PPP1R12B: variants seen among roughly 807,000 people sequenced by gnomAD.
PPP1R12B encodes myosin phosphatase target subunit 2.
PPP1R12B carries 76 observed loss-of-function variants against 126.1 expected under a neutral mutation model. The observed-to-expected ratio is 0.60, with a 90% CI of 0.50 to 0.73. PPP1R12B has a LOEUF of 0.73. Ranked by LOEUF, PPP1R12B falls within the 30% of genes least tolerant of loss-of-function variation. The pLI, the probability that PPP1R12B is intolerant of heterozygous loss-of-function variation, is 0.00. For missense variants in PPP1R12B, 1,052 were observed against 1,205.1 expected, an observed-to-expected ratio of 0.87 and a Z score of 1.88; for synonymous variants, 356 against 434.7, an observed-to-expected ratio of 0.82 and a Z score of 2.25.
chr1:202,511,993 CT>C, intron 18 of PPP1R12B, among the ~76,000 whole-genome samples: 1 of 152,112 alleles, frequency 6.6e-6, no homozygotes, highest in African/African-American at 2.4e-5. Context: ...GGAATTTGGA[CT>C]TTATGGGAGA....
Position 202,564,491 on chromosome 1 carries a change from C to A in PPP1R12B, c.2701C>A (p.Gln901Lys). 1 of 1,612,846 alleles carries A rather than the reference C, an allele frequency of 6.2e-7. No homozygotes were observed. Residue 901 changes from glutamine to lysine, a missense_variant, in exon 21 of 24, where the codon CAG becomes AAG. Coordinates refer to ENST00000608999, the MANE Select transcript of PPP1R12B (RefSeq NM_002481.4). ...TENQKLKTKL[Q>K]EAQLELADIK... Reference sequence around the variant, plus strand: ...AAACCAAAAACTGAAAACAAAACTTCAGGAAGCCCAGCTAGAGCTAGCAGA... The same window carrying A: ...AAACCAAAAACTGAAAACAAAACTTAAGGAAGCCCAGCTAGAGCTAGCAGA...
intron 13 of PPP1R12B, among the ~76,000 whole-genome samples, chr1:202,453,153 CT>C (rs1209335987): frequency 1.3e-5 from 2 of 152,066 alleles, no homozygotes; most frequent in African/African-American, 4.8e-5. Flanking sequence ...AAGTATGTTC[CT>C]TCTGTACCCA....
At chr1:202,497,542 T>A (rs1041930307) in intron 18 of PPP1R12B, among the ~76,000 whole-genome samples, 1 of 152,242 alleles carries the variant, frequency 6.6e-6, no homozygotes, top group African/African-American at 2.4e-5. Flanking sequence ...TCAGAGTATA[T>A]TTAATAACCT....
At chr1:202,417,608 A>C (rs1668250599) in intron 2 of PPP1R12B, among the ~76,000 whole-genome samples, 1 of 152,210 alleles carries the variant, frequency 6.6e-6, no homozygotes, top group Non-Finnish European at 1.5e-5. Flanking sequence ...ACAAGGAAAC[A>C]TCTTTGAAAT....
chr1:202,590,955 G>A lies in PPP1R12B; in HGVS notation c.*10395G>A, dbSNP rs555043318. 2.6e-5 allele frequency: 4 copies of A among 152,360 alleles called. No homozygotes were observed. Among genetic ancestry groups the A allele is most frequent in the African/African-American group, 9.6e-5 (4 of 41,568 alleles). 9.4% of individuals were successfully genotyped at this position (152,360 alleles called of 1,614,324 possible). A position where few individuals can be genotyped will look rare whatever the true frequency, so the allele number is the denominator to read the frequency against. ...TAAAGTCCTGATCGCTAAGGCAGGT[G>A]GGATGGAGGAACTCCTGGTGCCCCA... is the stretch of plus-strand genomic sequence containing the variant. On this transcript the variant is annotated 3_prime_UTR_variant, in exon 24 of 24. Coordinates refer to ENST00000608999, the MANE Select transcript of PPP1R12B (RefSeq NM_002481.4).
At chr1:202,387,902 A>C (rs1663423808) in intron 1 of PPP1R12B, among the ~76,000 whole-genome samples, 1 of 152,198 alleles carries the variant, frequency 6.6e-6, no homozygotes. Context: ...CACAGTAAGA[A>C]TATATGCAAA....
intron 18 of PPP1R12B, chr1:202,502,070 T>C (rs1680284892): frequency 2.0e-6 from 2 of 985,542 alleles, no homozygotes; most frequent in Non-Finnish European, 2.4e-6. Context: ...AGAATCTCTA[T>C]TGCTTTTAGA....
intron 1 of PPP1R12B, among the ~76,000 whole-genome samples, chr1:202,357,349 T>A (rs1482632228): frequency 6.6e-6 from 1 of 152,164 alleles, no homozygotes; most frequent in Non-Finnish European, 1.5e-5. Context: ...TTGGATTTGG[T>A]CATTTAAACT....
chr1:202,519,216 G>T (rs1558325478), intron 18 of PPP1R12B, among the ~76,000 whole-genome samples: 1 of 152,040 alleles, frequency 6.6e-6, no homozygotes, highest in Non-Finnish European at 1.5e-5. Context: ...GAAGCTCTGA[G>T]ATTTAATCTT....
intron 1 of PPP1R12B, among the ~76,000 whole-genome samples, chr1:202,356,670 G>A (rs1657160484): frequency 6.6e-6 from 1 of 152,058 alleles, no homozygotes; most frequent in Non-Finnish European, 1.5e-5. Flanking sequence ...GAGATTGCAG[G>A]GATTCCAGGA....
chr1:202,479,835 G>A (rs1315092513), intron 13 of PPP1R12B, among the ~76,000 whole-genome samples: 1 of 152,182 alleles, frequency 6.6e-6, no homozygotes, highest in African/African-American at 2.4e-5. Flanking sequence ...GTGGTACTCA[G>A]AAATTTGTAT....
In PPP1R12B at chr1:202,425,684, C is replaced by G. The variant is rs778407012; in HGVS notation, c.660C>G (p.Ala220=). The change falls in exon 4 of 24, where the codon GCC becomes GCG. Residue 220 remains alanine (A), a synonymous_variant. Transcript: ENST00000608999. ...DVRQARSGAT[A]LHVAAAKGYS... is the part of the protein sequence containing the mutation. ...GGCAGGCTCGCTCAGGGGCTACAGC[C>G]CTTCATGTGGCTGCTGCCAAGGGCT... The G allele has an allele frequency of 9.9e-6, 16 of 1,613,864 alleles. No homozygotes were observed. The highest frequency in any genetic ancestry group is 1.4e-5 in the Non-Finnish European group (16 of 1,179,846).
rs549330516 is a variant in PPP1R12B at position 202,427,141 on chromosome 1, T to A, written c.803T>A (p.Ile268Asn). Residue 268 changes from isoleucine (I) to asparagine (N), a missense_variant, in exon 5 of 24, where the codon ATC becomes AAC. By Grantham distance (149) the Ile-to-Asn change is moderately radical. Coordinates refer to ENST00000608999, the MANE Select transcript of PPP1R12B (RefSeq NM_002481.4). ...TGGGGAGTGAAGGAGGCTTGCTCCA[T>A]CCTGGCAGAAGCACTTTGTGACATG... ...AHWGVKEACS[I>N]LAEALCDMDI... 32 of 1,614,184 alleles carry A rather than the reference T, an allele frequency of 2.0e-5. No individual in the cohort carries two copies. In the East Asian group the frequency reaches 5.3e-4, roughly 27 times the overall value.
chr1:202,470,420 A>G (rs1429802873), intron 13 of PPP1R12B, among the ~76,000 whole-genome samples: 1 of 152,172 alleles, frequency 6.6e-6, no homozygotes, highest in Non-Finnish European at 1.5e-5. Context: ...ATGAATGATC[A>G]TTTTTCAAAG....
chr1:202,457,672 A>T (rs997368966), intron 13 of PPP1R12B, among the ~76,000 whole-genome samples: 1 of 152,200 alleles, frequency 6.6e-6, no homozygotes, highest in Non-Finnish European at 1.5e-5. Context: ...TGTGGTAAAG[A>T]TATGTATAGA....
intron 23 of PPP1R12B, among the ~76,000 whole-genome samples, chr1:202,569,746 T>A (rs920318926): frequency 1.3e-5 from 2 of 152,192 alleles, no homozygotes; most frequent in Admixed American, 6.5e-5. Context: ...CTTGGCACTC[T>A]CCCACTAGAA....
chr1:202,580,086 A>G (rs1006339413), intron 23 of PPP1R12B, among the ~76,000 whole-genome samples: 15 of 152,100 alleles, frequency 9.9e-5, no homozygotes, highest in Non-Finnish European at 1.6e-4. Flanking sequence ...TTCTTTCCCT[A>G]TGTCCTCACC....
chr1:202,580,806 C>T lies in PPP1R12B; in HGVS notation c.*246C>T. On this transcript the variant is annotated 3_prime_UTR_variant, in exon 24 of 24. Transcript: ENST00000608999. The stretch of plus-strand genomic sequence containing the variant: ...TGAAGCATGATTGTGGTAATTCGAG[C>T]CATCTGGAGAATGCTCTGGGGAGTA... The T allele has an allele frequency of 2.3e-6, 1 of 444,306 alleles. No individual in the cohort carries two copies. The highest frequency in any genetic ancestry group is 2.3e-5 in the South Asian group (1 of 43,280). The allele number at this position is 444,306 out of a possible 1,614,324, so 27.5% of individuals were successfully genotyped here. A position where few individuals can be genotyped will look rare whatever the true frequency, so the allele number is the denominator to read the frequency against.
chr1:202,400,091 C>T (rs1665607578), intron 1 of PPP1R12B, among the ~76,000 whole-genome samples: 1 of 152,000 alleles, frequency 6.6e-6, no homozygotes, highest in South Asian at 2.1e-4. Context: ...TTAGCTCACA[C>T]TTATAAGTGA....
Sources: allele counts gnomAD v4.1 joint callset (sites outside exome capture counted in the v4.1 genomes callset), GRCh38; gene constraint gnomAD v4.1.1; transcripts MANE v1.5; gene names NCBI Gene and HGNC (gene_info 2026-07-23, HGNC 2026-07-21).